BRIP1: variants seen among roughly 807,000 people sequenced by gnomAD.
The protein encoded by BRIP1 is Fanconi anemia group J protein.
Under a neutral mutation model 119.7 loss-of-function variants are expected in BRIP1, and 88 were observed. The observed-to-expected ratio is 0.74, with a 90% CI of 0.62 to 0.88. The LOEUF (loss-of-function observed/expected upper bound fraction) is 0.88, where lower values mean the gene tolerates loss of function less well. BRIP1 is among the 40% of genes least tolerant of loss of function. BRIP1 has a pLI of 0.00. For missense variants in BRIP1, 1,259 were observed against 1,455.4 expected (o/e 0.87, Z 2.20); for synonymous variants, 443 against 496.5 (o/e 0.89, Z 1.43).
In BRIP1 at chr17:61,775,334, A is replaced by T. The variant is rs2077516769; in HGVS notation, c.2097+1067T>A. On this transcript the variant is annotated intron_variant, in intron 14 of 19. Transcript: ENST00000259008. The surrounding 1 kb of genome is among the most constrained non-coding windows in gnomAD (Gnocchi z 4.4). Reference sequence around the variant, plus strand: ...AAACAAATCCTTTAATTTATCTACAAGAGACTAATTGCTTTAGTGTATCCC... The same window carrying T: ...AAACAAATCCTTTAATTTATCTACATGAGACTAATTGCTTTAGTGTATCCC... Among the ~76,000 whole-genome samples the T allele has an allele frequency of 6.6e-6, 1 of 152,224 alleles. No individual in the cohort carries two copies. The highest frequency in any genetic ancestry group is 1.5e-5 in the Non-Finnish European group (1 of 68,024).
Position 61,844,606 on chromosome 17 carries a change from A to G in BRIP1, c.627+2495T>C, listed in dbSNP as rs1202477153. 6.6e-6 allele frequency among the ~76,000 whole-genome samples: 1 copy of G among 152,288 alleles called. No individual in the cohort carries two copies. ...CCCTGTGTCTACAAATAAAGCAAAC[A>G]AAAACAATTCCCAAGAAAAAAAAAT... On this transcript the variant is annotated intron_variant, in intron 6 of 19. Transcript: ENST00000259008. The surrounding 1 kb of genome is among the most constrained non-coding windows in gnomAD (Gnocchi z 4.7).
At chr17:61,785,144 A>G (rs575686917) in intron 10 of BRIP1, among the ~76,000 whole-genome samples, 1 of 152,340 alleles carries the variant, frequency 6.6e-6, no homozygotes, top group East Asian at 1.9e-4. Flanking sequence ...AAGGCTTTAA[A>G]GAGTTGATAT....
chr17:61,861,344 T>C lies in BRIP1; in HGVS notation c.93+103A>G, dbSNP rs1400621396. On this transcript the variant is annotated intron_variant, in intron 2 of 19. Coordinates refer to ENST00000259008, the MANE Select transcript of BRIP1 (RefSeq NM_032043.3). The surrounding 1 kb of genome is among the most constrained non-coding windows in gnomAD (Gnocchi z 4.5). Reference sequence around the variant, plus strand: ...TCTTCCAAGTGAACCCAGAAAATATTCTCCATTTACTGAGAATATGAATGC... The same window carrying C: ...TCTTCCAAGTGAACCCAGAAAATATCCTCCATTTACTGAGAATATGAATGC... The C allele has an allele frequency of 4.9e-6, 4 of 809,338 alleles. No individual in the cohort carries two copies. Among genetic ancestry groups the C allele is most frequent in the Non-Finnish European group, 6.3e-6 (3 of 474,836 alleles). The allele number at this position is 809,338 out of a possible 1,614,324, so 50.1% of individuals were successfully genotyped here.
chr17:61,780,439 T>C lies in BRIP1; in HGVS notation c.1795-38A>G. On this transcript the variant is annotated intron_variant, in intron 12 of 19. Coordinates refer to ENST00000259008, the MANE Select transcript of BRIP1 (RefSeq NM_032043.3). This position sits in a 1 kb window ranked among gnomAD's most constrained non-coding sequence, Gnocchi z 5.4. The stretch of plus-strand genomic sequence containing the variant: ...AACATTAGATAAATAAAATTATCTT[T>C]AGAAGAGGCTGGGCAAAGTGGCTCA... The C allele has an allele frequency of 6.4e-7, 1 of 1,571,212 alleles. No individual in the cohort carries two copies. The highest frequency in any genetic ancestry group is 1.9e-4 in the Middle Eastern group (1 of 5,160).
chr17:61,780,962 A>G lies in BRIP1; in HGVS notation c.1672T>C (p.Trp558Arg), dbSNP rs767648925. 2 of 1,614,082 alleles carry G rather than the reference A, an allele frequency of 1.2e-6. No individual in the cohort carries two copies. The highest frequency in any genetic ancestry group is 1.7e-6 in the Non-Finnish European group (2 of 1,180,020). Residue 558 changes from tryptophan to arginine, a missense_variant, in exon 12 of 20, where the codon TGG becomes CGG. Around this residue, in one of 3 missense-constraint regions of BRIP1, gnomAD observed 753 missense variants for 891.8 expected, o/e 0.84. Transcript: ENST00000259008. This position sits in a 1 kb window ranked among gnomAD's most constrained non-coding sequence, Gnocchi z 5.4. ...TCTGAAATATCAATCTGATTTGTCC[A>G]GGAGTAAGTCTGTTGAATCGCAATT... ...YKIAIQQTYS[W>R]TNQIDISDKN...
intron 16 of BRIP1, among the ~76,000 whole-genome samples, chr17:61,732,283 T>TTCTGAATAGTTTTATAA (rs1162338417): frequency 1.3e-5 from 2 of 152,092 alleles, no homozygotes; most frequent in African/African-American, 4.8e-5. Context: ...ACCCGGCCTA[T>TTCTGAATAGTTTTATAA]TCTGAATAGT....
chr17:61,792,435 G>A (rs1293915195), intron 10 of BRIP1, among the ~76,000 whole-genome samples: 2 of 152,162 alleles, frequency 1.3e-5, no homozygotes, highest in East Asian at 3.8e-4. Context: ...TCTTTCAGTA[G>A]GTGAATGGAT....
In BRIP1 at chr17:61,799,382, C is replaced by A; in HGVS notation, c.1141-83G>T. ...AGGCAAGATATTTCATTTTAAAATT[C>A]ACACTATAGGCCAATATTGCAAATG... On this transcript the variant is annotated intron_variant, in intron 8 of 19. Transcript: ENST00000259008. This position sits in a 1 kb window ranked among gnomAD's most constrained non-coding sequence, Gnocchi z 5.1. 1 of 1,104,788 alleles carries A rather than the reference C, an allele frequency of 9.1e-7. No homozygotes were observed. The highest frequency in any genetic ancestry group is 1.3e-6 in the Non-Finnish European group (1 of 750,338). The allele number at this position is 1,104,788 out of a possible 1,614,324, so 68.4% of individuals were successfully genotyped here.
At chr17:61,741,225 T>C (rs967166558) in intron 16 of BRIP1, among the ~76,000 whole-genome samples, 1 of 152,206 alleles carries the variant, frequency 6.6e-6, no homozygotes, top group African/African-American at 2.4e-5. Flanking sequence ...AGCAATTTAG[T>C]CACGTCTTAA....
rs777482175 is a variant in BRIP1, at chr17:61,807,743, G to T, written c.918+724C>A. Among the ~76,000 whole-genome samples, 33 of 152,098 alleles carry T rather than the reference G, an allele frequency of 2.2e-4. No homozygotes were observed. Among genetic ancestry groups the T allele is most frequent in the Non-Finnish European group, 3.7e-4 (25 of 67,940 alleles). On this transcript the variant is annotated intron_variant, in intron 7 of 19. Transcript: ENST00000259008. This position sits in a 1 kb window ranked among gnomAD's most constrained non-coding sequence, Gnocchi z 4.5. ...CAATTTATGGTTCACTGATTTGGGG[G>T]TATAATTTCATACTTGCAACTTCAA...
Position 61,679,201 on chromosome 17 carries a change from G to A in BRIP1, c.*4095C>T, listed in dbSNP as rs1227762169. 6.6e-6 allele frequency among the ~76,000 whole-genome samples: 1 copy of A among 152,072 alleles called. No individual in the cohort carries two copies. The highest frequency in any genetic ancestry group is 1.5e-5 in the Non-Finnish European group (1 of 67,992). On this transcript the variant is annotated 3_prime_UTR_variant, in exon 20 of 20. Coordinates refer to ENST00000259008, the MANE Select transcript of BRIP1 (RefSeq NM_032043.3). The surrounding 1 kb of genome is among the most constrained non-coding windows in gnomAD (Gnocchi z 4.4). The stretch of plus-strand genomic sequence containing the variant: ...AAAAGTCCAGTTGCAGAAAAATAAC[G>A]GGGAAAAGCTTTTTGTTAAAATTAA...
chr17:61,744,704 T>C lies in BRIP1; in HGVS notation c.2098-113A>G. ...AGTATATTAATCTCTCTGTGTCTTT[T>C]CTCATTTATAAAATGAGGAAAACAA... On this transcript the variant is annotated intron_variant, in intron 14 of 19. Transcript: ENST00000259008. The surrounding 1 kb of genome is among the most constrained non-coding windows in gnomAD (Gnocchi z 5.0). 7 of 952,514 alleles carry C rather than the reference T, an allele frequency of 7.3e-6. No homozygotes were observed. The highest frequency in any genetic ancestry group is 1.2e-5 in the Non-Finnish European group (7 of 601,746). 59.0% of individuals were successfully genotyped at this position (952,514 alleles called of 1,614,324 possible).
At chr17:61,685,725 T>C in intron 19 of BRIP1, 111 bp downstream of exon 19, 2 of 994,840 alleles carry the variant, frequency 2.0e-6, no homozygotes, top group Non-Finnish European at 3.1e-6. Flanking sequence ...TAACACCTTA[T>C]ATTACAAACC....
rs897571218 is a variant in BRIP1, at chr17:61,822,164, C to CA, written c.628-13408dup. ...AGCGTTACATAAAATTAGTAAATGA[C>CA]AAAAAATAAAAGACAATAAAAGAAG... On this transcript the variant is annotated intron_variant, in intron 6 of 19. Transcript: ENST00000259008. This position sits in a 1 kb window ranked among gnomAD's most constrained non-coding sequence, Gnocchi z 4.4. Among the ~76,000 whole-genome samples the CA allele has an allele frequency of 6.6e-6, 1 of 151,666 alleles. No individual in the cohort carries two copies. Among genetic ancestry groups the CA allele is most frequent in the Non-Finnish European group, 1.5e-5 (1 of 67,938 alleles).
intron 13 of BRIP1, among the ~76,000 whole-genome samples, chr17:61,779,581 C>G (rs2145064735): frequency 6.6e-6 from 1 of 152,280 alleles, no homozygotes; most frequent in East Asian, 1.9e-4. Context: ...GATCGCACCA[C>G]TGCACTCCAG....
rs2078831275 is a variant in BRIP1, at chr17:61,852,162, C to T, written c.380-2906G>A. Among the ~76,000 whole-genome samples the T allele has an allele frequency of 6.6e-6, 1 of 152,080 alleles. No individual in the cohort carries two copies. Among genetic ancestry groups the T allele is most frequent in the South Asian group, 2.1e-4 (1 of 4,820 alleles). ...CATTTAGTTTTAGAAAACTGAACTG[C>T]CATGTGCCAAATAAGGGTAACCCCA... On this transcript the variant is annotated intron_variant, in intron 4 of 19. Transcript: ENST00000259008. The surrounding 1 kb of genome is among the most constrained non-coding windows in gnomAD (Gnocchi z 4.9).
rs779860140 is a variant in BRIP1, at chr17:61,683,697, A to C, written c.3349T>G (p.Ser1117Ala). 6 of 1,613,968 alleles carry C rather than the reference A, an allele frequency of 3.7e-6. No individual in the cohort carries two copies. In the Admixed American group the frequency reaches 1.0e-4, roughly 27 times the overall value. ...GCTTCTGTTTCAAAATCTCTATTTGAAGTGGACTGTTTATCTTCTTCACTT... is the reference window on the plus strand; with the variant it reads ...GCTTCTGTTTCAAAATCTCTATTTGCAGTGGACTGTTTATCTTCTTCACTT... ...LVSEEDKQST[S>A]NRDFETEAED... Residue 1117 changes from serine to alanine, a missense_variant, in exon 20 of 20, where the codon TCA becomes GCA. By Grantham distance (99) the Ser-to-Ala change is moderately conservative. This residue lies in a region of BRIP1 where 753 missense variants were observed against 891.8 expected (regional missense o/e 0.84). Coordinates refer to ENST00000259008, the MANE Select transcript of BRIP1 (RefSeq NM_032043.3). This position sits in a 1 kb window ranked among gnomAD's most constrained non-coding sequence, Gnocchi z 4.7.
rs9916169 is a variant in BRIP1 at position 61,738,891 on chromosome 17, T to A, written c.2379+4122A>T. On this transcript the variant is annotated intron_variant, in intron 16 of 19. Transcript: ENST00000259008. This position sits in a 1 kb window ranked among gnomAD's most constrained non-coding sequence, Gnocchi z 4.2. ...CATTCCCTTCTCTTCTCCTCATATGTAATCAGAATTATAATCTTGATGATC... is the reference window on the plus strand; with the variant it reads ...CATTCCCTTCTCTTCTCCTCATATGAAATCAGAATTATAATCTTGATGATC... Among the ~76,000 whole-genome samples, 5,024 of 152,306 alleles carry A rather than the reference T, an allele frequency of 0.033. 318 individuals are homozygous for A. The highest frequency in any genetic ancestry group is 0.11 in the African/African-American group (4,767 of 41,540).
At position 61,859,881 on chromosome 17, in the gene BRIP1, T is replaced by C. The variant is rs878855136; in HGVS notation, c.120A>G (p.Gln40=). Residue 40 remains glutamine (Q), a synonymous_variant, in exon 3 of 20, where the codon CAA becomes CAG. Transcript: ENST00000259008. The part of the protein sequence containing the change: ...NSILRGLNSK[Q]HCLLESPTGS... The stretch of plus-strand genomic sequence containing the variant: ...CTGTGGGACTCTCCAACAAACAATG[T>C]TGCTTGCTGTTTAATCCTCTGAGAA... 5 of 1,613,268 alleles carry C rather than the reference T, an allele frequency of 3.1e-6. 1 individual carries two copies. In the South Asian group the frequency reaches 4.4e-5, roughly 14 times the overall value.
Sources: allele counts gnomAD v4.1 joint callset (sites outside exome capture counted in the v4.1 genomes callset), GRCh38; gene constraint gnomAD v4.1.1; regional missense constraint gnomAD v4.1.1; non-coding constraint Gnocchi (gnomAD v3.1); transcripts MANE v1.5; gene names NCBI Gene and HGNC (gene_info 2026-07-23, HGNC 2026-07-21).